FRMPD4: variants seen among roughly 807,000 people sequenced by gnomAD.
FRMPD4 encodes the protein FERM and PDZ domain-containing protein 4.
In FRMPD4, 22 loss-of-function variants were observed where a neutral mutation model predicts 94.1. The ratio of observed to expected loss-of-function variants is 0.23; its 90% confidence interval spans 0.17 to 0.33. The LOEUF (loss-of-function observed/expected upper bound fraction) is 0.33, where lower values mean the gene tolerates loss of function less well. Ranked by LOEUF, FRMPD4 falls within the 10% of genes least tolerant of loss-of-function variation. FRMPD4 has a pLI of 1.00. For missense variants in FRMPD4, 1,111 were observed against 1,339.9 expected, an observed-to-expected ratio of 0.83 and a Z score of 2.67; for synonymous variants, 631 against 548.6, an observed-to-expected ratio of 1.15 and a Z score of -2.10.
chrX:12,711,531 T>C (rs1283401314), intron 14 of FRMPD4, among the ~76,000 whole-genome samples: 1 of 111,689 alleles, frequency 9.0e-6, no homozygotes, highest in African/African-American at 3.3e-5. Context: ...GTGGTTTTCA[T>C]TGGTTTTAGA....
At chrX:12,024,956 C>A (rs2054651261) in intron 3 of FRMPD4, among the ~76,000 whole-genome samples, 1 of 111,500 alleles carries the variant, frequency 9.0e-6, no homozygotes, top group African/African-American at 3.3e-5. Flanking sequence ...ATTCTTTTTC[C>A]ACATTTTTAT....
intron 1 of FRMPD4, among the ~76,000 whole-genome samples, chrX:12,281,505 G>A (rs2054525624): frequency 9.1e-6 from 1 of 109,968 alleles, no homozygotes; most frequent in Non-Finnish European, 1.9e-5. Flanking sequence ...CTCCTGAGTA[G>A]CTGGGTTTAC....
chrX:12,646,497 T>C (rs1029008161), intron 4 of FRMPD4, among the ~76,000 whole-genome samples: 4 of 112,197 alleles, frequency 3.6e-5, no homozygotes, highest in African/African-American at 1.3e-4. Flanking sequence ...CCCTAACCTC[T>C]TTCCCTCAGA....
At chrX:11,873,041 T>C (rs2053763541) in intron 2 of FRMPD4, among the ~76,000 whole-genome samples, 2 of 111,961 alleles carry the variant, frequency 1.8e-5, no homozygotes, top group African/African-American at 6.5e-5. Flanking sequence ...GGTATATGCC[T>C]GAGAGCACCA....
At chrX:12,342,590 A>G (rs2055633242) in intron 1 of FRMPD4, among the ~76,000 whole-genome samples, 1 of 111,899 alleles carries the variant, frequency 8.9e-6, no homozygotes. Context: ...AGGCCATCCC[A>G]AGCTAAGGAA....
intron 3 of FRMPD4, among the ~76,000 whole-genome samples, chrX:12,126,395 T>C (rs1041280583): frequency 4.5e-5 from 5 of 112,178 alleles, no homozygotes; most frequent in African/African-American, 1.6e-4. Context: ...AAACGGATCA[T>C]GAATTTCCCT....
At chrX:11,822,528 G>C (rs2053418503) in exon 1 of FRMPD4, among the ~76,000 whole-genome samples, 2 of 112,080 alleles carry the variant, frequency 1.8e-5, no homozygotes, top group Admixed American at 1.9e-4. Flanking sequence ...CAGTGTGCAA[G>C]ATGGGGAAAG....
intron 1 of FRMPD4, among the ~76,000 whole-genome samples, chrX:12,434,760 T>C (rs187394939): frequency 8.9e-6 from 1 of 112,756 alleles, no homozygotes; most frequent in Non-Finnish European, 1.9e-5. Flanking sequence ...ACAGGGCAGC[T>C]ACACAGTGCA....
intron 13 of FRMPD4, among the ~76,000 whole-genome samples, 154 bp from the exon 14 acceptor site, chrX:12,710,245 T>C (rs1349973028): frequency 1.8e-5 from 2 of 112,236 alleles, no homozygotes; most frequent in Non-Finnish European, 3.8e-5. Context: ...TAAGGCACTT[T>C]GTGTTATCCT....
At chrX:12,440,785 C>G (rs1181587703) in intron 1 of FRMPD4, among the ~76,000 whole-genome samples, 1 of 109,720 alleles carries the variant, frequency 9.1e-6, no homozygotes, top group Non-Finnish European at 1.9e-5. Context: ...ACTATAGTGC[C>G]CTATAAACTT....
At chrX:12,629,794 CT>C (rs766552821) in intron 4 of FRMPD4, among the ~76,000 whole-genome samples, 1 of 112,052 alleles carries the variant, frequency 8.9e-6, no homozygotes, top group Admixed American at 9.5e-5. Context: ...ACATGAAGCA[CT>C]TTGTGGCCTG....
chrX:12,714,518 A>T (rs1256742729), intron 14 of FRMPD4, among the ~76,000 whole-genome samples: 1 of 112,053 alleles, frequency 8.9e-6, no homozygotes, highest in Non-Finnish European at 1.9e-5. Flanking sequence ...CAGAGTGGAC[A>T]TATCTTTTGG....
Position 12,717,988 on chromosome X carries a change from G to C in FRMPD4, c.3162G>C (p.Thr1054=). 1 of 1,211,876 alleles carries C rather than the reference G, an allele frequency of 8.3e-7. No homozygotes were observed. The highest frequency in any genetic ancestry group is 1.1e-6 in the Non-Finnish European group (1 of 895,338). The change falls in exon 16 of 17, where the codon ACG becomes ACC. Residue 1054 remains threonine (T), a synonymous_variant. Transcript: ENST00000675598. ...TTGKKQQGTK[T]AEMEEEASGK... ...GAAAAAAACAGCAGGGGACCAAAAC[G>C]GCAGAGATGGAGGAGGAGGCCAGTG... is the stretch of plus-strand genomic sequence containing the variant.
intron 1 of FRMPD4, among the ~76,000 whole-genome samples, chrX:12,216,107 C>A (rs5978503): frequency 9.0e-6 from 1 of 111,613 alleles, no homozygotes; most frequent in Non-Finnish European, 1.9e-5. Flanking sequence ...TTCAATTACC[C>A]CAAATCTTAG....
chrX:12,721,015 G>A lies in FRMPD4; in HGVS notation c.4446G>A (p.Leu1482=). The change falls in exon 17 of 17, where the codon CTG becomes CTA. Residue 1482 remains leucine, a synonymous_variant. Transcript: ENST00000675598. ...CAGTGGCTCATAAAGACTCAAAGCT[G>A]TATAGGACATTACCCTTGCGGAAGC... ...RSPVAHKDSK[L]YRTLPLRKLE... 1.3e-6 allele frequency: 1 copy of A among 762,567 alleles called. No homozygotes were observed. Among genetic ancestry groups the A allele is most frequent in the Non-Finnish European group, 1.6e-6 (1 of 643,265 alleles). 62.8% of individuals were successfully genotyped at this position (762,567 alleles called of 1,213,427 possible). A position where few individuals can be genotyped will look rare whatever the true frequency, so the allele number is the denominator to read the frequency against.
intron 2 of FRMPD4, among the ~76,000 whole-genome samples, chrX:12,563,554 A>T (rs2058679800): frequency 8.9e-6 from 1 of 112,273 alleles, no homozygotes; most frequent in African/African-American, 3.2e-5. Context: ...GAAAGGTAGG[A>T]CTTTATATTA....
intron 3 of FRMPD4, among the ~76,000 whole-genome samples, chrX:11,902,261 A>G (rs1423001933): frequency 8.9e-6 from 1 of 112,568 alleles, no homozygotes; most frequent in Non-Finnish European, 1.9e-5. Flanking sequence ...ACAAAATGGC[A>G]CAGACTTGGT....
intron 4 of FRMPD4, among the ~76,000 whole-genome samples, chrX:12,649,163 G>A (rs2059574494): frequency 8.9e-6 from 1 of 111,808 alleles, no homozygotes; most frequent in South Asian, 3.8e-4. Flanking sequence ...ACTTGGACAA[G>A]TGTCAAGATC....
At chrX:12,617,593 C>T (rs1484090095) in intron 4 of FRMPD4, among the ~76,000 whole-genome samples, 4 of 112,291 alleles carry the variant, frequency 3.6e-5, no homozygotes, top group Non-Finnish European at 1.9e-5. Context: ...TTACTGGGCT[C>T]CTCAGCTGAT....
Sources: allele counts gnomAD v4.1 joint callset (sites outside exome capture counted in the v4.1 genomes callset), GRCh38; gene constraint gnomAD v4.1.1; transcripts MANE v1.5; gene names NCBI Gene and HGNC (gene_info 2026-07-23, HGNC 2026-07-21).